Variants in TXLNB observed in about 807,000 individuals in gnomAD.
TXLNB encodes taxilin beta.
In TXLNB, 37 loss-of-function variants were observed where a neutral mutation model predicts 57.4. The observed-to-expected ratio is 0.64, with a 90% CI of 0.50 to 0.85. The LOEUF (loss-of-function observed/expected upper bound fraction) is 0.85. Ranked by LOEUF, TXLNB falls within the 40% of genes least tolerant of loss-of-function variation. The pLI, the probability that TXLNB is intolerant of heterozygous loss-of-function variation, is 0.00. For synonymous variants in TXLNB, 302 were observed against 309.6 expected, an observed-to-expected ratio of 0.98 and a Z score of 0.26; for missense variants, 848 against 825.6, an observed-to-expected ratio of 1.03 and a Z score of -0.33.
chr6:139,160,863 A>C, the TXLNB span, among the ~76,000 whole-genome samples: 1 of 152,256 alleles, frequency 6.6e-6, no homozygotes, highest in South Asian at 2.1e-4. Context: ...ATGAAACTTT[A>C]CTATTTATAA....
At chr6:139,230,053 T>A in the TXLNB span, among the ~76,000 whole-genome samples, 1 of 152,242 alleles carries the variant, frequency 6.6e-6, no homozygotes, top group African/African-American at 2.4e-5. Context: ...TTTTGAAGAT[T>A]ATTAATTAAC....
At chr6:139,231,432 C>A in the TXLNB span, among the ~76,000 whole-genome samples, 1 of 152,152 alleles carries the variant, frequency 6.6e-6, no homozygotes, top group Non-Finnish European at 1.5e-5. Context: ...TCGTGAAACA[C>A]TTTGCTTAGA....
At chr6:139,252,483 G>A (rs1389912759) in intron 7 of TXLNB, among the ~76,000 whole-genome samples, 1 of 152,146 alleles carries the variant, frequency 6.6e-6, no homozygotes, top group Non-Finnish European at 1.5e-5. Context: ...AATTTCAAAG[G>A]TAACTTGGAG....
chr6:139,218,052 G>A, the TXLNB span, among the ~76,000 whole-genome samples: 1 of 152,134 alleles, frequency 6.6e-6, no homozygotes, highest in Admixed American at 6.5e-5. Context: ...GACTATGATT[G>A]GATGGCAGCT....
chr6:139,303,875 A>T, the TXLNB span, among the ~76,000 whole-genome samples: 173 of 145,770 alleles, frequency 1.2e-3, 1 homozygote, highest in African/African-American at 3.8e-3. Context: ...TTTTTTTTTT[A>T]AACTAAAAGA....
At chr6:139,235,493 T>G (rs977795013), downstream of TXLNB, among the ~76,000 whole-genome samples, 1 of 152,140 alleles carries the variant, frequency 6.6e-6, no homozygotes, top group African/African-American at 2.4e-5. Context: ...AGGGGCAGAA[T>G]GATATGGTTT....
chr6:139,299,300 T>A, the TXLNB span, among the ~76,000 whole-genome samples: 1 of 152,186 alleles, frequency 6.6e-6, no homozygotes, highest in African/African-American at 2.4e-5. Context: ...GTCACCCTTT[T>A]TGTGGCATTC....
chr6:139,257,845 T>A (rs1230961704), intron 6 of TXLNB, among the ~76,000 whole-genome samples: 11 of 152,192 alleles, frequency 7.2e-5, no homozygotes, highest in Non-Finnish European at 1.5e-5. Context: ...CTTTTTCCCA[T>A]GACCCAGCCT....
At chr6:139,299,096 G>A in the TXLNB span, among the ~76,000 whole-genome samples, 2 of 152,178 alleles carry the variant, frequency 1.3e-5, no homozygotes, top group Admixed American at 1.3e-4. Flanking sequence ...CCCAGCCTCA[G>A]GTGTCCCTTT....
At chr6:139,207,981 T>C in the TXLNB span, among the ~76,000 whole-genome samples, 9 of 151,882 alleles carry the variant, frequency 5.9e-5, no homozygotes, top group Non-Finnish European at 1.2e-4. Flanking sequence ...GAGGCTGACG[T>C]ATGAGAATTG....
the TXLNB span, among the ~76,000 whole-genome samples, chr6:139,191,821 G>A: frequency 1.3e-5 from 2 of 152,182 alleles, no homozygotes; most frequent in Non-Finnish European, 2.9e-5. Context: ...GCAACCACAG[G>A]GACGCGAGAC....
At chr6:139,161,493 T>C in the TXLNB span, among the ~76,000 whole-genome samples, 1 of 152,270 alleles carries the variant, frequency 6.6e-6, no homozygotes, top group South Asian at 2.1e-4. Context: ...TGTGGTACCT[T>C]GTCTGTGTTC....
At chr6:139,198,872 CTT>C in the TXLNB span, among the ~76,000 whole-genome samples, 1 of 152,150 alleles carries the variant, frequency 6.6e-6, no homozygotes, top group African/African-American at 2.4e-5. Context: ...CATCATTCCT[CTT>C]TGTTTCCTGA....
chr6:139,275,942 A>C (rs1443963147), intron 3 of TXLNB, among the ~76,000 whole-genome samples: 1 of 152,202 alleles, frequency 6.6e-6, no homozygotes, highest in Non-Finnish European at 1.5e-5. Context: ...TGCTATATGT[A>C]GTCTCTTAAG....
chr6:139,195,428 T>C, the TXLNB span, among the ~76,000 whole-genome samples: 1 of 152,222 alleles, frequency 6.6e-6, no homozygotes, highest in African/African-American at 2.4e-5. Context: ...ATATTTTTAT[T>C]TTCTATGTGT....
At chr6:139,227,209 T>C in the TXLNB span, among the ~76,000 whole-genome samples, 1 of 151,778 alleles carries the variant, frequency 6.6e-6, no homozygotes, top group Non-Finnish European at 1.5e-5. Flanking sequence ...TGTGGTGGTG[T>C]GTGCCTGTAA....
chr6:139,167,555 A>G, the TXLNB span, among the ~76,000 whole-genome samples: 1 of 152,126 alleles, frequency 6.6e-6, no homozygotes, highest in Non-Finnish European at 1.5e-5. Flanking sequence ...GTGTTCTGTA[A>G]TTTGAAGAAA....
chr6:139,260,177 G>A (rs1021733467), intron 6 of TXLNB, 141 bp downstream of exon 6: 6 of 983,126 alleles, frequency 6.1e-6, no homozygotes, highest in South Asian at 1.9e-5. Flanking sequence ...CTGAGATCAC[G>A]CCACTGCATT....
the TXLNB span, among the ~76,000 whole-genome samples, chr6:139,171,106 G>A: frequency 6.6e-6 from 1 of 152,108 alleles, no homozygotes; most frequent in Non-Finnish European, 1.5e-5. Context: ...GGGATGTTGG[G>A]ACTTTTGTGT....
Sources: gnomAD v4.1 joint callset for allele counts (sites outside exome capture counted in the v4.1 genomes callset) on GRCh38, gnomAD v4.1.1 for gene constraint, MANE v1.5 for transcripts, NCBI Gene and HGNC (gene_info 2026-07-23, HGNC 2026-07-21) for gene names.